Variants in GDPD4 observed in about 807,000 individuals in gnomAD.
GDPD4 encodes the protein glycerophosphodiester phosphodiesterase 6.
Under a neutral mutation model 67.8 loss-of-function variants are expected in GDPD4, and 60 were observed. The observed-to-expected ratio is 0.88, with a 90% CI of 0.72 to 1.10. The LOEUF (loss-of-function observed/expected upper bound fraction) is 1.10. GDPD4 is among the 50% of genes least tolerant of loss of function. The pLI is 0.00. For synonymous variants in GDPD4, 212 were observed against 210.9 expected (o/e 1.00, Z -0.04); for missense variants, 623 against 613.9 (o/e 1.01, Z -0.16).
chr11:77,300,246 C>A (rs1327814544), intron 1 of GDPD4, among the ~76,000 whole-genome samples: 1 of 151,976 alleles, frequency 6.6e-6, no homozygotes, highest in Non-Finnish European at 1.5e-5. Context: ...TTAGCCTGTG[C>A]GGTCTAACAC....
intron 14 of GDPD4, among the ~76,000 whole-genome samples, chr11:77,229,574 AC>A (rs1298132565): frequency 1.3e-5 from 2 of 152,334 alleles, no homozygotes; most frequent in East Asian, 3.9e-4. Flanking sequence ...CTTGACTTCT[AC>A]TGCTGTTTTC....
At chr11:77,254,096 C>T (rs1339105237) in intron 11 of GDPD4, among the ~76,000 whole-genome samples, 3 of 152,168 alleles carry the variant, frequency 2.0e-5, no homozygotes, top group Non-Finnish European at 4.4e-5. Context: ...TCCAAGATGG[C>T]ATTGCGCAGT....
chr11:77,282,136 T>A (rs1959783910), intron 3 of GDPD4, among the ~76,000 whole-genome samples: 1 of 152,032 alleles, frequency 6.6e-6, no homozygotes, highest in Non-Finnish European at 1.5e-5. Flanking sequence ...TATAAGTATA[T>A]GAAGTTAAGG....
chr11:77,243,730 T>A lies in GDPD4; in HGVS notation c.1205A>T (p.Asn402Ile). The A allele has an allele frequency of 6.2e-7, 1 of 1,605,818 alleles. No individual in the cohort carries two copies. Among genetic ancestry groups the A allele is most frequent in the Non-Finnish European group, 8.5e-7 (1 of 1,174,590 alleles). ...TLAKNNISII[N>I]VDYKKLFPNG... ...AGGGAACAACTTCTTGTAGTCAACA[T>A]TTATTATACTGATATTGTTTTTAGC... The change falls in exon 13 of 17, where the codon AAT becomes ATT. Residue 402 changes from asparagine (N) to isoleucine (I), a missense_variant. Coordinates refer to ENST00000315938, the MANE Select transcript of GDPD4 (RefSeq NM_182833.3).
At chr11:77,244,481 AT>A (rs989550237) in intron 12 of GDPD4, among the ~76,000 whole-genome samples, 53 of 152,304 alleles carry the variant, frequency 3.5e-4, no homozygotes, top group African/African-American at 1.2e-3. Context: ...AGCAAAGTAG[AT>A]TAGTTGATAG....
intron 16 of GDPD4, among the ~76,000 whole-genome samples, chr11:77,226,421 G>T (rs1357429180): frequency 6.6e-6 from 1 of 151,558 alleles, no homozygotes; most frequent in Non-Finnish European, 1.5e-5. Flanking sequence ...GAGGAAGAGA[G>T]ACCCGAGATC....
intron 10 of GDPD4, among the ~76,000 whole-genome samples, chr11:77,267,255 C>T (rs535740851): frequency 8.9e-4 from 136 of 152,302 alleles, no homozygotes; most frequent in Middle Eastern, 6.8e-3. Flanking sequence ...GTGTAGTAGG[C>T]TATGCCATCT....
intron 13 of GDPD4, among the ~76,000 whole-genome samples, chr11:77,235,555 TGCAAAA>T (rs1195454696): frequency 1.3e-5 from 2 of 152,194 alleles, no homozygotes; most frequent in African/African-American, 4.8e-5. Context: ...TTGACAAAGA[TGCAAAA>T]GCAATTCAAT....
At chr11:77,301,293 G>A (rs963850722) in intron 1 of GDPD4, among the ~76,000 whole-genome samples, 1 of 151,994 alleles carries the variant, frequency 6.6e-6, no homozygotes, top group Non-Finnish European at 1.5e-5. Flanking sequence ...CTCAGTAAAG[G>A]TCACCGCCAT....
chr11:77,266,320 G>A (rs1186255324), intron 10 of GDPD4, among the ~76,000 whole-genome samples: 1 of 152,078 alleles, frequency 6.6e-6, no homozygotes, highest in African/African-American at 2.4e-5. Context: ...TGACTTCGTA[G>A]CCGTAATATT....
At chr11:77,289,295 G>A (rs756751427) in intron 1 of GDPD4, among the ~76,000 whole-genome samples, 7 of 150,752 alleles carry the variant, frequency 4.6e-5, no homozygotes, top group South Asian at 2.1e-4. Flanking sequence ...CCTGGAAGGC[G>A]GAGGTTGCAG....
At chr11:77,277,837 A>C (rs1959560701) in intron 4 of GDPD4, among the ~76,000 whole-genome samples, 1 of 151,458 alleles carries the variant, frequency 6.6e-6, no homozygotes, top group Non-Finnish European at 1.5e-5. Context: ...TAGGATGTCA[A>C]TTTTAGATCT....
At chr11:77,262,854 CAAA>C (rs67911054) in intron 10 of GDPD4, among the ~76,000 whole-genome samples, 3 of 66,998 alleles carry the variant, frequency 4.5e-5, no homozygotes, top group African/African-American at 2.0e-4. Context: ...TTCTCTGCTG[CAAA>C]AAAAAAAAAA....
At chr11:77,297,455 G>A (rs1166361744) in intron 1 of GDPD4, among the ~76,000 whole-genome samples, 1 of 150,900 alleles carries the variant, frequency 6.6e-6, no homozygotes, top group Non-Finnish European at 1.5e-5. Context: ...AGAATGGCGT[G>A]AACCCGGGAG....
rs759609911 is a variant in GDPD4 at position 77,233,127 on chromosome 11, A to G, written c.1287T>C (p.Asn429=). The G allele has an allele frequency of 8.7e-6, 14 of 1,613,906 alleles. No homozygotes were observed. The African/African-American group carries it at 1.3e-4, about 15-fold the overall frequency. Reference sequence around the variant, plus strand: ...AGGCCAGTGAGAAAAGCCAAGGCTCATTGACGGTGTATACGTTGATATGGA... The same window carrying G: ...AGGCCAGTGAGAAAAGCCAAGGCTCGTTGACGGTGTATACGTTGATATGGA... ...ANIHINVYTV[N]EPWLFSLAWC... The change falls in exon 14 of 17, where the codon AAT becomes AAC. Residue 429 remains asparagine, a synonymous_variant. Coordinates refer to ENST00000315938, the MANE Select transcript of GDPD4 (RefSeq NM_182833.3).
intron 1 of GDPD4, among the ~76,000 whole-genome samples, chr11:77,298,559 G>C (rs1376254503): frequency 1.3e-5 from 2 of 152,192 alleles, no homozygotes; most frequent in Non-Finnish European, 2.9e-5. Flanking sequence ...AAAGACCTGG[G>C]ATAGATAGAA....
At chr11:77,250,848 T>C (rs568993825) in intron 11 of GDPD4, among the ~76,000 whole-genome samples, 4 of 152,224 alleles carry the variant, frequency 2.6e-5, no homozygotes, top group African/African-American at 7.2e-5. Flanking sequence ...GTTGAGTGCA[T>C]GTATATTTAT....
chr11:77,280,244 T>C (rs188489451), intron 3 of GDPD4, among the ~76,000 whole-genome samples: 7 of 151,720 alleles, frequency 4.6e-5, no homozygotes, highest in East Asian at 1.9e-4. Flanking sequence ...AGCCAACAAA[T>C]AGAAAAACTT....
At chr11:77,265,488 G>C (rs1959174095) in intron 10 of GDPD4, among the ~76,000 whole-genome samples, 1 of 152,112 alleles carries the variant, frequency 6.6e-6, no homozygotes, top group South Asian at 2.1e-4. Flanking sequence ...TATTTTGAGA[G>C]GATTGTAGAT....
Sources: allele counts gnomAD v4.1 joint callset (sites outside exome capture counted in the v4.1 genomes callset), GRCh38; gene constraint gnomAD v4.1.1; transcripts MANE v1.5; gene names NCBI Gene and HGNC (gene_info 2026-07-23, HGNC 2026-07-21).